SLC39A11: variants seen among roughly 807,000 people sequenced by gnomAD.
SLC39A11 encodes the protein solute carrier family 39 member 11, also known as zinc transporter ZIP11.
In SLC39A11, 33 loss-of-function variants were observed where a neutral mutation model predicts 36.1. The ratio of observed to expected loss-of-function variants is 0.91; its 90% CI spans 0.69 to 1.22. The LOEUF (loss-of-function observed/expected upper bound fraction) is 1.22. Among genes scored for constraint, SLC39A11 ranks in the 50% most tolerant of loss-of-function variants. The probability of loss-of-function intolerance (pLI) is 0.00; values close to 1 mark genes in which losing one functional copy is unlikely to be tolerated. For missense variants in SLC39A11, 432 were observed against 430.3 expected (o/e 1.00, Z -0.03); for synonymous variants, 166 against 170.3 (o/e 0.97, Z 0.20).
chr17:72,963,766 G>C (rs1051915730), intron 4 of SLC39A11, among the ~76,000 whole-genome samples: 10 of 152,130 alleles, frequency 6.6e-5, no homozygotes, highest in African/African-American at 2.4e-4. Context: ...CCTGGCAAAG[G>C]CTTCAGCTCA....
At chr17:72,877,006 C>T (rs759279114) in intron 5 of SLC39A11, among the ~76,000 whole-genome samples, 2 of 152,204 alleles carry the variant, frequency 1.3e-5, no homozygotes, top group Non-Finnish European at 1.5e-5. Flanking sequence ...AAATGCAGGT[C>T]CTTGGCTACA....
chr17:73,058,282 C>G (rs2059734111), intron 3 of SLC39A11, among the ~76,000 whole-genome samples: 1 of 152,072 alleles, frequency 6.6e-6, no homozygotes, highest in African/African-American at 2.4e-5. Flanking sequence ...ATCGAAGTGT[C>G]CTCTGATTTA....
At chr17:72,657,839 A>G (rs1361517215) in intron 7 of SLC39A11, among the ~76,000 whole-genome samples, 4 of 152,224 alleles carry the variant, frequency 2.6e-5, no homozygotes, top group Non-Finnish European at 4.4e-5. Flanking sequence ...AAAACTCGCA[A>G]TGGTCTGATG....
intron 6 of SLC39A11, among the ~76,000 whole-genome samples, chr17:72,841,781 G>A (rs2078823800): frequency 1.3e-5 from 2 of 152,084 alleles, no homozygotes; most frequent in Admixed American, 6.5e-5. Flanking sequence ...TTTCATGCAG[G>A]CCAGGCGAGG....
intron 6 of SLC39A11, among the ~76,000 whole-genome samples, chr17:72,752,777 T>C (rs1357335694): frequency 6.6e-6 from 1 of 152,162 alleles, no homozygotes; most frequent in Admixed American, 6.5e-5. Flanking sequence ...TCCATTCTCA[T>C]TTCCTTGTAT....
intron 6 of SLC39A11, among the ~76,000 whole-genome samples, chr17:72,738,661 C>T (rs1229598784): frequency 6.6e-6 from 1 of 152,140 alleles, no homozygotes; most frequent in African/African-American, 2.4e-5. Context: ...TGATTCCCCT[C>T]GATCCAAACA....
rs569100122 is a variant in SLC39A11, at chr17:72,846,018, C to CTTTTTTTTTTTTTTTTTTTTTTTT, written c.601+3592_601+3615dup. ...CCAATGAATCTCTCTCTCTCTCTCT[C>CTTTTTTTTTTTTTTTTTTTTTTTT]TTTTTTTTTTTTTTTTTTTTTTTTT... On this transcript the variant is annotated intron_variant, in intron 6 of 9. Coordinates refer to ENST00000255559, the MANE Select transcript of SLC39A11 (RefSeq NM_139177.4). 1.6e-4 allele frequency among the ~76,000 whole-genome samples: 9 copies of CTTTTTTTTTTTTTTTTTTTTTTTT among 57,956 alleles called. 2 individuals are homozygous for CTTTTTTTTTTTTTTTTTTTTTTTT. Among genetic ancestry groups the CTTTTTTTTTTTTTTTTTTTTTTTT allele is most frequent in the African/African-American group, 6.0e-4 (7 of 11,710 alleles). The allele number at this position is 57,956 out of a possible 152,430, so 38.0% of individuals were successfully genotyped here. A position where few individuals can be genotyped will look rare whatever the true frequency, so the allele number is the denominator to read the frequency against.
intron 7 of SLC39A11, among the ~76,000 whole-genome samples, chr17:72,722,788 C>T (rs995309120): frequency 3.0e-4 from 46 of 152,048 alleles, no homozygotes; most frequent in Non-Finnish European, 2.9e-5. Flanking sequence ...GTGCCTGCCA[C>T]CAAGCCTGGC....
At chr17:72,917,647 G>C (rs1341314141) in intron 5 of SLC39A11, among the ~76,000 whole-genome samples, 1 of 152,146 alleles carries the variant, frequency 6.6e-6, no homozygotes, top group Non-Finnish European at 1.5e-5. Flanking sequence ...TTTAACTAGG[G>C]CCCTTGTGAC....
At chr17:72,817,763 C>A (rs2077632427) in intron 6 of SLC39A11, 1 of 152,180 alleles carries the variant, frequency 6.6e-6, no homozygotes, top group Non-Finnish European at 1.5e-5. Flanking sequence ...AGGATAAACC[C>A]AAACTCTTGT....
intron 3 of SLC39A11, among the ~76,000 whole-genome samples, chr17:73,038,096 C>T (rs890529100): frequency 6.6e-5 from 10 of 151,932 alleles, no homozygotes; most frequent in Admixed American, 3.9e-4. Flanking sequence ...TGGTGGCACA[C>T]ACCTGTAATC....
chr17:72,968,462 A>G (rs1000445480), intron 4 of SLC39A11, among the ~76,000 whole-genome samples: 7 of 152,230 alleles, frequency 4.6e-5, no homozygotes, highest in Non-Finnish European at 1.0e-4. Context: ...ATAAGGTCAC[A>G]CAGAAGGAAG....
chr17:72,992,444 G>T (rs181977910), intron 4 of SLC39A11, among the ~76,000 whole-genome samples: 81 of 152,224 alleles, frequency 5.3e-4, no homozygotes, highest in Non-Finnish European at 1.1e-3. Flanking sequence ...TGTGTTTATT[G>T]GTTCTTTAGG....
At chr17:72,707,237 C>T (rs189413288) in intron 7 of SLC39A11, among the ~76,000 whole-genome samples, 1 of 151,968 alleles carries the variant, frequency 6.6e-6, no homozygotes, top group Admixed American at 6.6e-5. Flanking sequence ...CCCATTGCTA[C>T]AAAAAATGTT....
chr17:73,044,303 T>C (rs1001724817), intron 3 of SLC39A11, among the ~76,000 whole-genome samples: 3 of 152,234 alleles, frequency 2.0e-5, no homozygotes, highest in Middle Eastern at 3.4e-3. Context: ...CAAATGTCCA[T>C]CAACAGGAGA....
chr17:72,680,976 C>T (rs1598327162), intron 7 of SLC39A11, among the ~76,000 whole-genome samples: 1 of 152,158 alleles, frequency 6.6e-6, no homozygotes, highest in Admixed American at 6.5e-5. Flanking sequence ...GAGTCCCACT[C>T]TGTTGCCCAG....
intron 4 of SLC39A11, among the ~76,000 whole-genome samples, chr17:72,984,275 C>A (rs12952869): frequency 0.52 from 78,682 of 151,754 alleles, 21,268 homozygotes; most frequent in Middle Eastern, 0.7. Context: ...AACTCAGCCA[C>A]CCCAGGATGG....
chr17:73,087,802 G>T (rs2060783847), intron 2 of SLC39A11, among the ~76,000 whole-genome samples: 1 of 151,990 alleles, frequency 6.6e-6, no homozygotes, highest in African/African-American at 2.4e-5. Context: ...GTTTGCAGGG[G>T]GCCAGGGACA....
chr17:72,859,483 TCTC>T (rs2079836250), intron 5 of SLC39A11, among the ~76,000 whole-genome samples: 1 of 151,970 alleles, frequency 6.6e-6, no homozygotes, highest in African/African-American at 2.4e-5. Flanking sequence ...AAGGGGCACT[TCTC>T]CTCTTGGAGC....
Sources: gnomAD v4.1 joint callset for allele counts (sites outside exome capture counted in the v4.1 genomes callset) on GRCh38, gnomAD v4.1.1 for gene constraint, MANE v1.5 for transcripts, NCBI Gene and HGNC (gene_info 2026-07-23, HGNC 2026-07-21) for gene names.